MARCHF3: variants seen among roughly 807,000 people sequenced by gnomAD.
MARCHF3 encodes the protein E3 ubiquitin-protein ligase MARCHF3.
MARCHF3 carries 13 observed loss-of-function variants against 24.2 expected under a neutral mutation model. The ratio of observed to expected loss-of-function variants is 0.54; its 90% CI spans 0.35 to 0.85. The LOEUF is 0.85. MARCHF3 is among the 40% of genes least tolerant of loss of function. The pLI is 0.01. For missense variants in MARCHF3, 276 were observed against 325.0 expected, an observed-to-expected ratio of 0.85 and a Z score of 1.16; for synonymous variants, 144 against 137.3, an observed-to-expected ratio of 1.05 and a Z score of -0.34.
intron 1 of MARCHF3, among the ~76,000 whole-genome samples, chr5:126,941,480 T>G (rs1749828137): frequency 6.6e-6 from 1 of 152,134 alleles, no homozygotes; most frequent in African/African-American, 2.4e-5. Context: ...GTGGAAAAAT[T>G]TACACTTGTT....
intron 1 of MARCHF3, among the ~76,000 whole-genome samples, chr5:127,004,734 G>A (rs1752251043): frequency 6.6e-6 from 1 of 152,058 alleles, no homozygotes; most frequent in Non-Finnish European, 1.5e-5. Flanking sequence ...TCCTTTACAT[G>A]CACATCATCA....
At chr5:126,873,260 T>C (rs546855268) in intron 4 of MARCHF3, among the ~76,000 whole-genome samples, 20 of 152,154 alleles carry the variant, frequency 1.3e-4, no homozygotes, top group Non-Finnish European at 1.9e-4. Context: ...GTTTGTAAGA[T>C]GTGAATAATG....
intron 4 of MARCHF3, 28 bp downstream of exon 4, chr5:126,878,152 ATGGCC>A: frequency 6.2e-7 from 1 of 1,603,944 alleles, no homozygotes; most frequent in South Asian, 1.1e-5. Context: ...CCAGCTCCAA[ATGGCC>A]TGAACCCCAG....
At chr5:126,984,367 G>A (rs901056327) in intron 1 of MARCHF3, among the ~76,000 whole-genome samples, 1 of 152,176 alleles carries the variant, frequency 6.6e-6, no homozygotes, top group Non-Finnish European at 1.5e-5. Context: ...GGATGTGGAA[G>A]GGAGTAAGGA....
At chr5:126,933,352 C>T (rs1749535212) in intron 1 of MARCHF3, among the ~76,000 whole-genome samples, 1 of 152,054 alleles carries the variant, frequency 6.6e-6, no homozygotes, top group Admixed American at 6.5e-5. Context: ...TGTTCATAAA[C>T]TGGACTCATT....
chr5:127,011,005 T>C (rs190612815), intron 1 of MARCHF3, among the ~76,000 whole-genome samples: 1 of 152,262 alleles, frequency 6.6e-6, no homozygotes, highest in Non-Finnish European at 1.5e-5. Flanking sequence ...TAAAAATGAT[T>C]TAAGATGTTA....
At chr5:126,909,031 CT>C (rs1754407748) in intron 3 of MARCHF3, among the ~76,000 whole-genome samples, 2 of 152,090 alleles carry the variant, frequency 1.3e-5, no homozygotes. Context: ...GTTAGTTTTC[CT>C]TCTGACAGAC....
chr5:126,970,604 T>C (rs1003724811), intron 1 of MARCHF3, among the ~76,000 whole-genome samples: 2 of 152,134 alleles, frequency 1.3e-5, no homozygotes, highest in African/African-American at 4.8e-5. Context: ...AATGGTACTC[T>C]TGAGAGATGT....
At chr5:126,924,882 T>G (rs1022234038) in intron 1 of MARCHF3, among the ~76,000 whole-genome samples, 2 of 152,198 alleles carry the variant, frequency 1.3e-5, no homozygotes, top group Admixed American at 6.5e-5. Context: ...GCTTACAGAC[T>G]GCACTACCAA....
At chr5:126,957,925 A>G (rs1007907157) in intron 1 of MARCHF3, among the ~76,000 whole-genome samples, 4 of 152,084 alleles carry the variant, frequency 2.6e-5, no homozygotes, top group African/African-American at 7.2e-5. Context: ...GTATTTATTC[A>G]AATTTTCTTT....
chr5:126,939,441 T>G (rs1386493771), intron 1 of MARCHF3, among the ~76,000 whole-genome samples: 2 of 152,180 alleles, frequency 1.3e-5, no homozygotes, highest in Non-Finnish European at 2.9e-5. Context: ...CCTTACACCT[T>G]CTTATGTGGG....
intron 3 of MARCHF3, among the ~76,000 whole-genome samples, chr5:126,905,434 T>C (rs1754256275): frequency 1.4e-5 from 2 of 146,562 alleles, no homozygotes; most frequent in East Asian, 2.0e-4. Flanking sequence ...ATATTGATTC[T>C]TCCTACCCAT....
intron 1 of MARCHF3, among the ~76,000 whole-genome samples, chr5:126,987,937 G>GAACGT (rs111545489): frequency 0.051 from 7,824 of 152,116 alleles, 373 homozygotes; most frequent in South Asian, 0.14. Flanking sequence ...AAACTGCCTG[G>GAACGT]ATATAGTAGA....
At chr5:126,884,133 G>A (rs572702217) in intron 3 of MARCHF3, among the ~76,000 whole-genome samples, 2 of 152,208 alleles carry the variant, frequency 1.3e-5, no homozygotes, top group Non-Finnish European at 2.9e-5. Flanking sequence ...GGAATGTGAG[G>A]GGGGCAGTGT....
At chr5:126,943,841 C>T (rs1314138401) in intron 1 of MARCHF3, among the ~76,000 whole-genome samples, 4 of 151,668 alleles carry the variant, frequency 2.6e-5, no homozygotes, top group Non-Finnish European at 5.9e-5. Context: ...TACGGAGTCT[C>T]GCTCTGTCGC....
intron 1 of MARCHF3, among the ~76,000 whole-genome samples, chr5:127,020,133 C>T (rs866586016): frequency 1.3e-5 from 2 of 152,204 alleles, no homozygotes; most frequent in African/African-American, 4.8e-5. Context: ...TGACTTTCAC[C>T]TCCCACCTGT....
chr5:126,941,776 G>C (rs529412659), intron 1 of MARCHF3, among the ~76,000 whole-genome samples: 2 of 152,212 alleles, frequency 1.3e-5, no homozygotes, highest in Non-Finnish European at 2.9e-5. Flanking sequence ...TGACCCCATT[G>C]CCACTGTTGT....
At chr5:126,887,174 AAGCCCTGCATAGTTT>A in intron 3 of MARCHF3, among the ~76,000 whole-genome samples, 1 of 152,322 alleles carries the variant, frequency 6.6e-6, no homozygotes, top group East Asian at 1.9e-4. Flanking sequence ...ATGGCCTACA[AAGCCCTGCATAGTTT>A]AGCCCAGGTG....
chr5:127,027,179 T>C (rs1753026169), intron 1 of MARCHF3, among the ~76,000 whole-genome samples: 1 of 152,216 alleles, frequency 6.6e-6, no homozygotes, highest in South Asian at 2.1e-4. Context: ...CAAACAATTC[T>C]CAACCCACAT....
Sources: gnomAD v4.1 joint callset for allele counts (sites outside exome capture counted in the v4.1 genomes callset) on GRCh38, gnomAD v4.1.1 for gene constraint, MANE v1.5 for transcripts, NCBI Gene and HGNC (gene_info 2026-07-23, HGNC 2026-07-21) for gene names.